Variants in TMEFF2 observed in about 807,000 individuals in gnomAD.
The protein encoded by TMEFF2 is tomoregulin-2.
Under a neutral mutation model 53.8 loss-of-function variants are expected in TMEFF2, and 28 were observed. That is an observed-to-expected ratio of 0.52 (90% CI 0.39 to 0.71). The LOEUF is 0.71. Among genes scored for constraint, TMEFF2 ranks in the 30% least tolerant of loss-of-function variants. The probability of loss-of-function intolerance (pLI) is 0.00; values close to 1 mark genes in which losing one functional copy is unlikely to be tolerated. For missense variants in TMEFF2, 353 were observed against 455.2 expected (o/e 0.78, Z 2.04); for synonymous variants, 162 against 166.3 (o/e 0.97, Z 0.20).
chr2:192,029,841 T>C (rs942246852), intron 5 of TMEFF2, among the ~76,000 whole-genome samples: 2 of 152,216 alleles, frequency 1.3e-5, no homozygotes, highest in African/African-American at 4.8e-5. Flanking sequence ...TAAAAATAAA[T>C]TCAGTGAGAA....
chr2:192,122,833 C>A (rs548657135), intron 4 of TMEFF2, among the ~76,000 whole-genome samples: 1 of 152,106 alleles, frequency 6.6e-6, no homozygotes, highest in Non-Finnish European at 1.5e-5. Flanking sequence ...GTGATTCAAT[C>A]ATTTATAAAT....
intron 4 of TMEFF2, among the ~76,000 whole-genome samples, chr2:192,134,540 C>G (rs1178479783): frequency 6.6e-6 from 1 of 152,162 alleles, no homozygotes; most frequent in Admixed American, 6.5e-5. Context: ...TCTCAGTGTT[C>G]CATCTGCTAT....
At chr2:191,986,858 A>AG (rs1167713013) in intron 7 of TMEFF2, among the ~76,000 whole-genome samples, 2 of 124,470 alleles carry the variant, frequency 1.6e-5, no homozygotes, top group Non-Finnish European at 3.4e-5. Flanking sequence ...ACTCCGTCTC[A>AG]GAAAAAAAAA....
At chr2:192,184,687 A>G (rs181878379) in intron 2 of TMEFF2, among the ~76,000 whole-genome samples, 32 of 152,260 alleles carry the variant, frequency 2.1e-4, no homozygotes, top group African/African-American at 7.5e-4. Context: ...TTTGATTTAG[A>G]TAGGGCAAAA....
At chr2:192,079,356 G>C (rs548053288) in intron 4 of TMEFF2, among the ~76,000 whole-genome samples, 11 of 152,264 alleles carry the variant, frequency 7.2e-5, no homozygotes, top group Admixed American at 3.3e-4. Flanking sequence ...CAGTTGGAAG[G>C]CTTCTGTAGC....
chr2:191,959,861 A>G (rs1692221303), intron 7 of TMEFF2, among the ~76,000 whole-genome samples: 1 of 152,112 alleles, frequency 6.6e-6, no homozygotes, highest in African/African-American at 2.4e-5. Flanking sequence ...TATCTATCCA[A>G]GTGCTCTCCA....
At chr2:192,025,776 A>G (rs1056839811) in intron 5 of TMEFF2, among the ~76,000 whole-genome samples, 1 of 152,170 alleles carries the variant, frequency 6.6e-6, no homozygotes, top group Non-Finnish European at 1.5e-5. Flanking sequence ...GAAGCAGGAT[A>G]TGGGATGGGT....
At chr2:192,089,777 G>T (rs1451136732) in intron 4 of TMEFF2, among the ~76,000 whole-genome samples, 1 of 152,106 alleles carries the variant, frequency 6.6e-6, no homozygotes, top group African/African-American at 2.4e-5. Flanking sequence ...GTAAAATGGG[G>T]ACCATAACTC....
chr2:192,090,328 A>G (rs1043930719), intron 4 of TMEFF2, among the ~76,000 whole-genome samples: 4 of 152,176 alleles, frequency 2.6e-5, no homozygotes, highest in African/African-American at 9.6e-5. Flanking sequence ...GAGTTTTTCC[A>G]GAATTTTTTA....
intron 7 of TMEFF2, among the ~76,000 whole-genome samples, chr2:191,980,564 G>C (rs1685830959): frequency 6.6e-6 from 1 of 152,084 alleles, no homozygotes; most frequent in South Asian, 2.1e-4. Context: ...TGCTTCCAGG[G>C]CTTCTTGTTA....
rs1026986416 is a variant in TMEFF2 at position 192,054,317 on chromosome 2, A to G, written c.536+3362T>C. Among the ~76,000 whole-genome samples, 4 of 152,232 alleles carry G rather than the reference A, an allele frequency of 2.6e-5. No homozygotes were observed. In the East Asian group the frequency reaches 7.7e-4, roughly 29 times the overall value. Reference sequence around the variant, plus strand: ...TAACCAAGGCTTGGCTTTGTATACCAGTTGCAATATCTATCCAGGCTTTCC... The same window carrying G: ...TAACCAAGGCTTGGCTTTGTATACCGGTTGCAATATCTATCCAGGCTTTCC... On this transcript the variant is annotated intron_variant, in intron 5 of 9. Transcript: ENST00000272771.
chr2:192,148,634 G>A (rs1574415363), intron 4 of TMEFF2, among the ~76,000 whole-genome samples: 1 of 151,982 alleles, frequency 6.6e-6, no homozygotes, highest in African/African-American at 2.4e-5. Context: ...GTGATCTGAG[G>A]AAGTCCAAGT....
chr2:192,046,390 G>A (rs1454065422), intron 5 of TMEFF2, among the ~76,000 whole-genome samples: 5 of 151,944 alleles, frequency 3.3e-5, no homozygotes, highest in African/African-American at 9.7e-5. Context: ...AAAGAAAAAA[G>A]AGAAAGAAAT....
intron 7 of TMEFF2, among the ~76,000 whole-genome samples, chr2:191,994,434 C>CT (rs1312971767): frequency 0.026 from 3,808 of 143,960 alleles, 148 homozygotes; most frequent in African/African-American, 0.087. Flanking sequence ...AAAATATAGC[C>CT]TTTTTTTTTT....
intron 4 of TMEFF2, among the ~76,000 whole-genome samples, chr2:192,162,963 G>A (rs1269010771): frequency 6.6e-6 from 1 of 152,166 alleles, no homozygotes; most frequent in Non-Finnish European, 1.5e-5. Flanking sequence ...CTTAATTGTA[G>A]TGATGCTTAT....
At chr2:192,087,519 A>AGCCC (rs1335699599) in intron 4 of TMEFF2, among the ~76,000 whole-genome samples, 5 of 152,156 alleles carry the variant, frequency 3.3e-5, no homozygotes, top group African/African-American at 7.2e-5. Flanking sequence ...GTTTAGAGAC[A>AGCCC]GCCCGTCAAA....
At chr2:191,987,714 A>C (rs1004945590) in intron 7 of TMEFF2, among the ~76,000 whole-genome samples, 4 of 152,212 alleles carry the variant, frequency 2.6e-5, no homozygotes, top group Admixed American at 6.5e-5. Flanking sequence ...GATGAGACTA[A>C]GTCAAAAGTT....
intron 4 of TMEFF2, among the ~76,000 whole-genome samples, chr2:192,086,205 T>C (rs1358207456): frequency 1.3e-5 from 2 of 152,170 alleles, no homozygotes; most frequent in African/African-American, 4.8e-5. Context: ...TTTTGGCATA[T>C]CCGGTTGTTG....
intron 7 of TMEFF2, among the ~76,000 whole-genome samples, chr2:191,978,780 G>T (rs1192490947): frequency 6.6e-6 from 1 of 152,046 alleles, no homozygotes; most frequent in South Asian, 2.1e-4. Flanking sequence ...ACTCCCACAT[G>T]GACTGCATGA....
Sources: allele counts gnomAD v4.1 joint callset (sites outside exome capture counted in the v4.1 genomes callset), GRCh38; gene constraint gnomAD v4.1.1; transcripts MANE v1.5; gene names NCBI Gene and HGNC (gene_info 2026-07-23, HGNC 2026-07-21).